CCDC93: variants seen among roughly 807,000 people sequenced by gnomAD.
The protein encoded by CCDC93 is coiled-coil domain-containing protein 93.
Under a neutral mutation model 108.2 loss-of-function variants are expected in CCDC93, and 61 were observed. The ratio of observed to expected loss-of-function variants is 0.56; its 90% CI spans 0.46 to 0.70. CCDC93 has a LOEUF of 0.70. Among genes scored for constraint, CCDC93 ranks in the 30% least tolerant of loss-of-function variants. CCDC93 has a pLI of 0.00. For synonymous variants in CCDC93, 276 were observed against 260.4 expected (o/e 1.06, Z -0.58); for missense variants, 685 against 764.2 (o/e 0.90, Z 1.22).
intron 23 of CCDC93, among the ~76,000 whole-genome samples, chr2:117,922,198 G>A (rs780118213): frequency 5.9e-5 from 9 of 152,240 alleles, no homozygotes; most frequent in Admixed American, 2.0e-4. Flanking sequence ...GAACTCTACC[G>A]TGGGGAACTG....
intron 6 of CCDC93, among the ~76,000 whole-genome samples, chr2:117,991,706 C>G (rs72838030): frequency 0.056 from 8,559 of 152,266 alleles, 293 homozygotes; most frequent in Non-Finnish European, 0.083. Context: ...AGCTCCACAC[C>G]TATTTTATAA....
chr2:117,927,318 A>G (rs1678148308), intron 23 of CCDC93, among the ~76,000 whole-genome samples: 1 of 152,156 alleles, frequency 6.6e-6, no homozygotes, highest in East Asian at 1.9e-4. Context: ...TAGGAAAAGA[A>G]GAAGTCAAAT....
chr2:118,009,052 TG>T (rs1676954255), intron 1 of CCDC93: 1 of 158,764 alleles, frequency 6.3e-6, no homozygotes, highest in South Asian at 1.9e-4. Context: ...CAAGGTTTTA[TG>T]GTGTTTTCTA....
chr2:117,920,442 C>A, intron 23 of CCDC93, 46 bp from the exon 24 acceptor site: 3 of 1,420,118 alleles, frequency 2.1e-6, no homozygotes, highest in Non-Finnish European at 3.0e-6. Context: ...ACTACATTAG[C>A]ACCCATGTGA....
chr2:117,948,516 A>G (rs913926272), intron 14 of CCDC93, among the ~76,000 whole-genome samples: 2 of 152,276 alleles, frequency 1.3e-5, no homozygotes, highest in African/African-American at 4.8e-5. Context: ...GGGCATATAC[A>G]GTATTGAAAA....
intron 11 of CCDC93, among the ~76,000 whole-genome samples, chr2:117,967,412 T>C (rs911449286): frequency 4.6e-5 from 7 of 152,268 alleles, no homozygotes; most frequent in Admixed American, 3.3e-4. Flanking sequence ...CTTAGGTTTA[T>C]GGTGTGTGAG....
intron 23 of CCDC93, among the ~76,000 whole-genome samples, chr2:117,928,477 G>C (rs1050783559): frequency 1.3e-5 from 2 of 152,170 alleles, no homozygotes; most frequent in Non-Finnish European, 2.9e-5. Context: ...CTCAAAAGAA[G>C]ACATTTATGC....
chr2:117,929,146 A>C (rs1006463572), intron 23 of CCDC93, among the ~76,000 whole-genome samples: 8 of 152,318 alleles, frequency 5.3e-5, no homozygotes, highest in African/African-American at 1.9e-4. Context: ...GCATTAGAAG[A>C]TATACCTAAT....
intron 11 of CCDC93, among the ~76,000 whole-genome samples, chr2:117,968,003 G>C (rs1679643867): frequency 1.3e-5 from 2 of 152,194 alleles, no homozygotes; most frequent in African/African-American, 4.8e-5. Context: ...ACTCAGGGTA[G>C]ATTCAGATTC....
intron 10 of CCDC93, 128 bp from the exon 11 acceptor site, chr2:117,974,122 T>C (rs1190235533): frequency 5.5e-6 from 4 of 729,094 alleles, no homozygotes; most frequent in Admixed American, 4.2e-5. Flanking sequence ...GGGAAATAAT[T>C]TGGCTTTGCC....
chr2:118,009,236 T>A (rs1676960274), intron 1 of CCDC93, among the ~76,000 whole-genome samples: 1 of 151,478 alleles, frequency 6.6e-6, no homozygotes. Flanking sequence ...CCAGGTTTGG[T>A]GGCCCATGCT....
intron 23 of CCDC93, among the ~76,000 whole-genome samples, chr2:117,924,270 C>T (rs1052036401): frequency 1.6e-4 from 25 of 152,320 alleles, no homozygotes; most frequent in Non-Finnish European, 3.1e-4. Flanking sequence ...TGGAACAAAG[C>T]TGGACAGAGA....
intron 11 of CCDC93, among the ~76,000 whole-genome samples, chr2:117,961,902 T>C (rs1007459201): frequency 5.9e-5 from 9 of 152,254 alleles, no homozygotes; most frequent in Admixed American, 3.3e-4. Flanking sequence ...TGTGTTTACA[T>C]TGCAGTGAGG....
chr2:117,964,520 G>A (rs945554270), intron 11 of CCDC93, among the ~76,000 whole-genome samples: 1 of 152,044 alleles, frequency 6.6e-6, no homozygotes, highest in Non-Finnish European at 1.5e-5. Flanking sequence ...AGAAACAAAC[G>A]AAACAGTGCT....
intron 23 of CCDC93, among the ~76,000 whole-genome samples, chr2:117,924,748 G>C (rs1479820118): frequency 1.3e-5 from 2 of 152,184 alleles, no homozygotes; most frequent in Non-Finnish European, 2.9e-5. Context: ...AGCAAGGCAG[G>C]CCAACATTCA....
chr2:117,954,606 C>T (rs951525781), intron 12 of CCDC93, among the ~76,000 whole-genome samples: 4 of 152,178 alleles, frequency 2.6e-5, no homozygotes, highest in South Asian at 4.1e-4. Context: ...GTTAACACCA[C>T]CTCTCTGGAT....
chr2:117,985,721 T>C (rs947794647), intron 7 of CCDC93, among the ~76,000 whole-genome samples: 14 of 152,210 alleles, frequency 9.2e-5, no homozygotes, highest in Admixed American at 5.9e-4. Context: ...CCTCAGCCTC[T>C]GTAAATGCCT....
At chr2:117,975,167 G>A (rs1174062155) in intron 9 of CCDC93, 21 bp downstream of exon 9, 9 of 1,594,736 alleles carry the variant, frequency 5.6e-6, no homozygotes, top group Non-Finnish European at 6.9e-6. Context: ...AAACCTCAGA[G>A]GGCCTACATG....
intron 14 of CCDC93, 133 bp downstream of exon 14, chr2:117,949,189 A>T: frequency 7.7e-6 from 5 of 646,514 alleles, no homozygotes; most frequent in Non-Finnish European, 1.4e-5. Context: ...TGAACAGTAA[A>T]ATGATCTGAC....
Sources: gnomAD v4.1 joint callset for allele counts (sites outside exome capture counted in the v4.1 genomes callset) on GRCh38, gnomAD v4.1.1 for gene constraint, MANE v1.5 for transcripts, NCBI Gene and HGNC (gene_info 2026-07-23, HGNC 2026-07-21) for gene names.